Variants in UVRAG observed in about 807,000 individuals in gnomAD.
The protein encoded by UVRAG is UV radiation resistance-associated gene protein.
Under a neutral mutation model 78.0 loss-of-function variants are expected in UVRAG, and 19 were observed. The observed-to-expected ratio is 0.24, with a 90% CI of 0.17 to 0.36. UVRAG has a LOEUF of 0.36. UVRAG is among the 10% of genes least tolerant of loss of function. UVRAG has a pLI of 1.00. For synonymous variants in UVRAG, 323 were observed against 324.6 expected (o/e 1.00, Z 0.05); for missense variants, 740 against 853.8 (o/e 0.87, Z 1.66).
At chr11:75,824,713 G>A (rs1487025911) in intron 1 of UVRAG, among the ~76,000 whole-genome samples, 3 of 128,292 alleles carry the variant, frequency 2.3e-5, no homozygotes, top group Admixed American at 9.5e-5. Context: ...TCACTCTGTC[G>A]CCCAGGCTGG....
chr11:75,901,032 A>G (rs939187072), intron 5 of UVRAG, among the ~76,000 whole-genome samples: 15 of 152,164 alleles, frequency 9.9e-5, no homozygotes, highest in African/African-American at 3.6e-4. Flanking sequence ...CAGATCTCAG[A>G]GCCAGGGGTG....
chr11:76,124,473 T>C (rs904743894), intron 14 of UVRAG, among the ~76,000 whole-genome samples: 1 of 152,134 alleles, frequency 6.6e-6, no homozygotes, highest in African/African-American at 2.4e-5. Flanking sequence ...TAGTGTGTAG[T>C]CTGCTACAAT....
chr11:76,126,337 A>G (rs974312979), intron 14 of UVRAG, among the ~76,000 whole-genome samples: 1 of 152,204 alleles, frequency 6.6e-6, no homozygotes, highest in Admixed American at 6.5e-5. Context: ...TATATATCCA[A>G]AATATCTTGT....
chr11:75,924,936 G>A (rs1358428751), intron 6 of UVRAG, among the ~76,000 whole-genome samples: 1 of 152,152 alleles, frequency 6.6e-6, no homozygotes, highest in African/African-American at 2.4e-5. Flanking sequence ...ATGTTGAAAA[G>A]GTGAATGAAG....
chr11:75,945,171 A>G (rs1229665960), intron 6 of UVRAG, among the ~76,000 whole-genome samples: 3 of 152,156 alleles, frequency 2.0e-5, no homozygotes, highest in African/African-American at 7.2e-5. Flanking sequence ...GAGAAATCTT[A>G]AAATAATCAT....
chr11:75,918,009 A>G (rs1188176134), intron 6 of UVRAG, among the ~76,000 whole-genome samples: 1 of 152,126 alleles, frequency 6.6e-6, no homozygotes, highest in Non-Finnish European at 1.5e-5. Context: ...TCCAGAGGCT[A>G]TCATATAAAC....
chr11:75,930,989 A>C (rs1451205922), intron 6 of UVRAG: 1 of 37,326 alleles, frequency 2.7e-5, no homozygotes, highest in South Asian at 6.4e-4. Context: ...CTTTCTTTCC[A>C]TTTTTAATTT....
intron 14 of UVRAG, among the ~76,000 whole-genome samples, chr11:76,124,658 C>T (rs963304435): frequency 5.9e-5 from 9 of 152,170 alleles, no homozygotes; most frequent in Non-Finnish European, 8.8e-5. Flanking sequence ...TAACAAACAC[C>T]GGTGTTTAAT....
At chr11:76,058,534 C>CAAAAA (rs71471400) in intron 12 of UVRAG, among the ~76,000 whole-genome samples, 5 of 111,344 alleles carry the variant, frequency 4.5e-5, no homozygotes, top group African/African-American at 1.8e-4. Flanking sequence ...ACCCTATCTC[C>CAAAAA]AAAAAAAAAA....
intron 5 of UVRAG, among the ~76,000 whole-genome samples, chr11:75,891,796 C>T (rs953965853): frequency 6.6e-6 from 1 of 152,044 alleles, no homozygotes; most frequent in Non-Finnish European, 1.5e-5. Flanking sequence ...TGTCTGTAGT[C>T]CCACCAACTT....
chr11:76,007,467 GAAAT>G (rs1949967340), intron 9 of UVRAG, 63 bp from the exon 10 acceptor site: 2 of 1,247,462 alleles, frequency 1.6e-6, no homozygotes, highest in Non-Finnish European at 2.3e-6. Flanking sequence ...TAATTGTGTG[GAAAT>G]AAATGTTACA....
chr11:75,893,575 C>T lies in UVRAG; in HGVS notation c.507+4672C>T, dbSNP rs117942197. On this transcript the variant is annotated intron_variant, in intron 5 of 14. Transcript: ENST00000356136. ...TGCCAGAAGAAATAGGTCTTCAATGCGCTGTTAATTATTAATTGTTTCTAG... is the reference window on the plus strand; with the variant it reads ...TGCCAGAAGAAATAGGTCTTCAATGTGCTGTTAATTATTAATTGTTTCTAG... Among the ~76,000 whole-genome samples, 1,039 of 148,036 alleles carry T rather than the reference C, an allele frequency of 7.0e-3. 4 individuals are homozygous for T. Among genetic ancestry groups the T allele is most frequent in the Non-Finnish European group, 8.5e-3 (574 of 67,562 alleles).
In UVRAG at chr11:76,143,295, CAAAGT is replaced by C. The variant is rs1952755128; in HGVS notation, c.*1884_*1888del. 1 of 152,256 alleles carries C rather than the reference CAAAGT, an allele frequency of 6.6e-6. No homozygotes were observed. Among genetic ancestry groups the C allele is most frequent in the Non-Finnish European group, 1.5e-5 (1 of 68,060 alleles). The allele number at this position is 152,256 out of a possible 1,614,324, so 9.4% of individuals were successfully genotyped here. On this transcript the variant is annotated 3_prime_UTR_variant, in exon 15 of 15. Coordinates refer to ENST00000356136, the MANE Select transcript of UVRAG (RefSeq NM_003369.4). ...ATGGACTTAAATGTCACACCAAACT[CAAAGT>C]AGGTACACTGGGTTGCAGGGCATCC... is the stretch of plus-strand genomic sequence containing the variant.
intron 4 of UVRAG, 66 bp downstream of exon 4, chr11:75,880,106 G>A: frequency 1.3e-6 from 2 of 1,552,316 alleles, no homozygotes; most frequent in South Asian, 2.4e-5. Flanking sequence ...CCTTTCTGTT[G>A]ATTCTTCTGA....
chr11:75,869,444 T>C (rs1037800893), intron 3 of UVRAG, among the ~76,000 whole-genome samples: 1 of 152,248 alleles, frequency 6.6e-6, no homozygotes, highest in African/African-American at 2.4e-5. Flanking sequence ...TGAATTATGA[T>C]TGAATGAATT....
intron 13 of UVRAG, among the ~76,000 whole-genome samples, chr11:76,095,384 A>C (rs762700195): frequency 6.6e-6 from 1 of 152,090 alleles, no homozygotes; most frequent in Non-Finnish European, 1.5e-5. Context: ...TTTAGCTTGC[A>C]AAACATTGTT....
chr11:75,921,200 C>T (rs1484976197), intron 6 of UVRAG, among the ~76,000 whole-genome samples: 1 of 152,120 alleles, frequency 6.6e-6, no homozygotes, highest in East Asian at 1.9e-4. Flanking sequence ...TTACTCCTTA[C>T]CCTGATTCTG....
At chr11:75,990,942 G>T (rs1210299060) in intron 8 of UVRAG, among the ~76,000 whole-genome samples, 1 of 152,118 alleles carries the variant, frequency 6.6e-6, no homozygotes, top group Non-Finnish European at 1.5e-5. Context: ...ATGCTTATTG[G>T]TGTCATGTCA....
chr11:75,871,302 T>G (rs1487472165), intron 3 of UVRAG, among the ~76,000 whole-genome samples: 2 of 150,352 alleles, frequency 1.3e-5, no homozygotes, highest in African/African-American at 4.9e-5. Context: ...TTTTTTTTTT[T>G]TGAGGCAGAG....
Sources: allele counts gnomAD v4.1 joint callset (sites outside exome capture counted in the v4.1 genomes callset), GRCh38; gene constraint gnomAD v4.1.1; transcripts MANE v1.5; gene names NCBI Gene and HGNC (gene_info 2026-07-23, HGNC 2026-07-21).